The following MACROD2 variants were observed in gnomAD, a reference collection of about 807,000 sequenced individuals.
MACROD2 encodes mono-ADP ribosylhydrolase 2.
A neutral mutation model predicts 70.4 loss-of-function variants in MACROD2; 36 were observed. The observed-to-expected ratio is 0.51, with a 90% CI of 0.39 to 0.68. The LOEUF (loss-of-function observed/expected upper bound fraction) is 0.68, where lower values mean the gene tolerates loss of function less well. MACROD2 is among the 30% of genes least tolerant of loss of function. The pLI is 0.00. For missense variants in MACROD2, 496 were observed against 538.4 expected (o/e 0.92, Z 0.78); for synonymous variants, 172 against 178.8 (o/e 0.96, Z 0.30).
intron 3 of MACROD2, among the ~76,000 whole-genome samples, chr20:14,418,720 A>T (rs1292913409): frequency 6.6e-6 from 1 of 152,220 alleles, no homozygotes; most frequent in Non-Finnish European, 1.5e-5. Context: ...TAACACATGG[A>T]ACTTGTTTTC....
At chr20:14,487,880 G>A (rs908356085) in intron 3 of MACROD2, among the ~76,000 whole-genome samples, 1 of 152,074 alleles carries the variant, frequency 6.6e-6, no homozygotes, top group Non-Finnish European at 1.5e-5. Context: ...TATAAAAATT[G>A]TAATAAACCT....
At chr20:15,220,379 A>G (rs1275993296) in intron 5 of MACROD2, among the ~76,000 whole-genome samples, 2 of 152,264 alleles carry the variant, frequency 1.3e-5, no homozygotes, top group Non-Finnish European at 2.9e-5. Flanking sequence ...AAACACAGAC[A>G]TAGATTTGTC....
chr20:15,732,982 A>G (rs955676484), intron 8 of MACROD2, among the ~76,000 whole-genome samples: 1 of 152,178 alleles, frequency 6.6e-6, no homozygotes, highest in Non-Finnish European at 1.5e-5. Flanking sequence ...TAATAGATAA[A>G]TTAACAATTT....
intron 6 of MACROD2, among the ~76,000 whole-genome samples, chr20:15,285,273 A>G (rs1004639861): frequency 1.3e-5 from 2 of 152,216 alleles, no homozygotes; most frequent in Admixed American, 1.3e-4. Flanking sequence ...TCTAATAGAA[A>G]TGTAAGTGAA....
At chr20:14,703,345 G>C (rs1339626212) in intron 5 of MACROD2, among the ~76,000 whole-genome samples, 1 of 152,108 alleles carries the variant, frequency 6.6e-6, no homozygotes, top group Non-Finnish European at 1.5e-5. Flanking sequence ...TTGAGAATTA[G>C]AGAACAAAGT....
chr20:14,178,017 TA>T (rs1240037345), intron 3 of MACROD2, among the ~76,000 whole-genome samples: 4 of 152,050 alleles, frequency 2.6e-5, no homozygotes, highest in Admixed American at 6.5e-5. Context: ...CATAAAACAT[TA>T]AAAAAATTTT....
At chr20:15,231,582 A>T (rs2145984857) in intron 6 of MACROD2, among the ~76,000 whole-genome samples, 1 of 152,050 alleles carries the variant, frequency 6.6e-6, no homozygotes, top group Admixed American at 6.5e-5. Flanking sequence ...GCCAAGAAAA[A>T]GTAAGAAGTA....
chr20:14,585,498 A>G (rs950244337), intron 4 of MACROD2, among the ~76,000 whole-genome samples: 1 of 152,136 alleles, frequency 6.6e-6, no homozygotes, highest in Non-Finnish European at 1.5e-5. Context: ...GATATAGATA[A>G]TTATATAGGT....
chr20:15,295,436 G>A (rs1204362949), intron 6 of MACROD2, among the ~76,000 whole-genome samples: 2 of 152,148 alleles, frequency 1.3e-5, no homozygotes, highest in African/African-American at 4.8e-5. Context: ...ATGAGAAAGA[G>A]AATGTGTTGA....
At chr20:14,639,678 C>G (rs1295690041) in intron 4 of MACROD2, among the ~76,000 whole-genome samples, 1 of 152,202 alleles carries the variant, frequency 6.6e-6, no homozygotes, top group African/African-American at 2.4e-5. Flanking sequence ...AATTCTCTTG[C>G]AGTTCACAGT....
intron 3 of MACROD2, among the ~76,000 whole-genome samples, chr20:14,266,196 ACT>A (rs1351006752): frequency 3.3e-5 from 5 of 152,178 alleles, no homozygotes; most frequent in African/African-American, 9.6e-5. Context: ...TCTAGGCCTA[ACT>A]CTTTTGTTAA....
chr20:16,047,276 ATAGAAT>A (rs1239002427), intron 17 of MACROD2, among the ~76,000 whole-genome samples: 18 of 152,316 alleles, frequency 1.2e-4, no homozygotes, highest in Non-Finnish European at 2.2e-4. Context: ...ATACAGTGAA[ATAGAAT>A]TAGAGAGCTC....
At position 15,992,111 on chromosome 20, in the gene MACROD2, A is replaced by G. The variant is rs74774377; in HGVS notation, c.1153+4953A>G. The stretch of plus-strand genomic sequence containing the variant: ...TCTTGCACTTTGATTTCTTGCTACA[A>G]TAATGATGTTGGTGTGGATAGCATA... On this transcript the variant is annotated intron_variant, in intron 15 of 17. Transcript: ENST00000684519. Among the ~76,000 whole-genome samples, 233 of 152,306 alleles carry G rather than the reference A, an allele frequency of 1.5e-3. 1 individual carries two copies. The highest frequency in any genetic ancestry group is 6.8e-3 in the Middle Eastern group (2 of 294).
chr20:15,788,639 A>G (rs1055873697), intron 8 of MACROD2, among the ~76,000 whole-genome samples: 3 of 152,218 alleles, frequency 2.0e-5, no homozygotes, highest in Admixed American at 6.5e-5. Context: ...TTGCAGATAT[A>G]GTGAAGGAAA....
intron 5 of MACROD2, chr20:14,935,278 TTGC>T (rs1288887485): frequency 6.6e-6 from 1 of 152,182 alleles, no homozygotes; most frequent in Non-Finnish European, 1.5e-5. Flanking sequence ...TTTTGGCACA[TTGC>T]TCAAGCCTGT....
Position 15,113,763 on chromosome 20 carries a change from AGTGTGTGTGTGTGTGTGTGTGT to A in MACROD2, c.419-116161_419-116140del, listed in dbSNP as rs71340210. Among the ~76,000 whole-genome samples, 1,428 of 144,234 alleles carry A rather than the reference AGTGTGTGTGTGTGTGTGTGTGT, an allele frequency of 9.9e-3. 27 individuals are homozygous for A. Among genetic ancestry groups the A allele is most frequent in the African/African-American group, 0.035 (1,347 of 38,726 alleles). The allele number at this position is 144,234 out of a possible 152,430, so 94.6% of individuals were successfully genotyped here. ...TAGGTATGGGGTTGTGTAGTCTTGA[AGTGTGTGTGTGTGTGTGTGTGT>A]GTGTGTGTGTGTGTGCTGGAGGGGT... is the stretch of plus-strand genomic sequence containing the variant. On this transcript the variant is annotated intron_variant, in intron 5 of 17. Transcript: ENST00000684519.
At chr20:15,105,553 A>G (rs778343028) in intron 5 of MACROD2, among the ~76,000 whole-genome samples, 26 of 152,114 alleles carry the variant, frequency 1.7e-4, no homozygotes, top group Non-Finnish European at 3.5e-4. Context: ...GTGAAAGCTG[A>G]GGAGTCAGGG....
intron 5 of MACROD2, among the ~76,000 whole-genome samples, chr20:15,215,966 A>C (rs2145956162): frequency 6.6e-6 from 1 of 152,276 alleles, no homozygotes; most frequent in East Asian, 1.9e-4. Context: ...CTAGACATAT[A>C]AACTCGCCTA....
chr20:14,510,800 TA>T (rs1349642168), intron 4 of MACROD2, among the ~76,000 whole-genome samples: 1 of 152,148 alleles, frequency 6.6e-6, no homozygotes, highest in Non-Finnish European at 1.5e-5. Flanking sequence ...AAGAAGAATT[TA>T]TTTTTAAAAA....
Sources: allele counts gnomAD v4.1 joint callset (sites outside exome capture counted in the v4.1 genomes callset), GRCh38; gene constraint gnomAD v4.1.1; transcripts MANE v1.5; gene names NCBI Gene and HGNC (gene_info 2026-07-23, HGNC 2026-07-21).